The following LANCL2 variants were observed in gnomAD, a reference collection of about 807,000 sequenced individuals.
The protein encoded by LANCL2 is LanC like glutathione S-transferase 2.
Under a neutral mutation model 56.9 loss-of-function variants are expected in LANCL2, and 33 were observed. The observed-to-expected ratio is 0.58, with a 90% CI of 0.44 to 0.78. The LOEUF (loss-of-function observed/expected upper bound fraction) is 0.78, where lower values mean the gene tolerates loss of function less well. Ranked by LOEUF, LANCL2 falls within the 30% of genes least tolerant of loss-of-function variation. The pLI is 0.00. For missense variants in LANCL2, 562 were observed against 580.2 expected, an observed-to-expected ratio of 0.97 and a Z score of 0.32; for synonymous variants, 233 against 228.2, an observed-to-expected ratio of 1.02 and a Z score of -0.19.
At chr7:55,391,638 A>G (rs1380244950) in intron 1 of LANCL2, among the ~76,000 whole-genome samples, 155 bp from the exon 2 acceptor site, 1 of 152,190 alleles carries the variant, frequency 6.6e-6, no homozygotes, top group Non-Finnish European at 1.5e-5. Context: ...GTAACCTTAT[A>G]AAAACCAAGA....
At chr7:55,396,676 G>A (rs994664750) in intron 2 of LANCL2, among the ~76,000 whole-genome samples, 6 of 150,726 alleles carry the variant, frequency 4.0e-5, no homozygotes, top group Non-Finnish European at 5.9e-5. Context: ...CAACGTGTCC[G>A]CCTGCCAACA....
At position 55,433,631 on chromosome 7, in the gene LANCL2, A is replaced by C. The variant is rs1185444476; in HGVS notation, c.*2311A>C. The stretch of plus-strand genomic sequence containing the variant: ...GTGTCTAAATTTTAAAAATATGTAC[A>C]TGCATAATGTCATTTTAAAATCTGA... On this transcript the variant is annotated 3_prime_UTR_variant, in exon 9 of 9. Transcript: ENST00000254770. The C allele has an allele frequency of 6.6e-6, 1 of 152,252 alleles. No homozygotes were observed. Among genetic ancestry groups the C allele is most frequent in the African/African-American group, 2.4e-5 (1 of 41,466 alleles). 9.4% of individuals were successfully genotyped at this position (152,252 alleles called of 1,614,324 possible).
intron 1 of LANCL2, among the ~76,000 whole-genome samples, chr7:55,387,097 C>CT (rs949339536): frequency 1.3e-5 from 2 of 151,888 alleles, no homozygotes; most frequent in African/African-American, 2.4e-5. Flanking sequence ...TGCAGTGTGA[C>CT]TTTTTTTGGA....
intron 5 of LANCL2, among the ~76,000 whole-genome samples, chr7:55,402,821 C>T (rs9718658): frequency 0.4 from 49,062 of 122,978 alleles, 10,768 homozygotes; most frequent in East Asian, 0.57. Context: ...CGGGCAGAGA[C>T]GCTCCTCACA....
In LANCL2 at chr7:55,428,746, C is replaced by G. The variant is rs1790695967; in HGVS notation, c.1258+299C>G. ...AATAGTTTACTCCTCTGCATTTCAT[C>G]TGTAATGTTGCATATTTAATATTGG... is the stretch of plus-strand genomic sequence containing the variant. On this transcript the variant is annotated intron_variant, in intron 8 of 8. Transcript: ENST00000254770. Among the ~76,000 whole-genome samples, 3 of 152,090 alleles carry G rather than the reference C, an allele frequency of 2.0e-5. No homozygotes were observed. The South Asian group carries it at 6.2e-4, about 32-fold the overall frequency.
At chr7:55,411,774 G>C (rs1400696267) in intron 5 of LANCL2, 133 bp from the exon 6 acceptor site, 1 of 864,386 alleles carries the variant, frequency 1.2e-6, no homozygotes, top group Non-Finnish European at 1.8e-6. Flanking sequence ...TAAATAACCA[G>C]ATAGTTGAAT....
At chr7:55,412,949 C>T (rs369191854) in intron 6 of LANCL2, among the ~76,000 whole-genome samples, 1 of 152,094 alleles carries the variant, frequency 6.6e-6, no homozygotes, top group East Asian at 1.9e-4. Flanking sequence ...TTTTTCTTTA[C>T]AGCTACCGTA....
At chr7:55,385,968 A>G (rs186861461) in intron 1 of LANCL2, among the ~76,000 whole-genome samples, 2 of 152,324 alleles carry the variant, frequency 1.3e-5, no homozygotes, top group African/African-American at 2.4e-5. Flanking sequence ...GAATTCAGCG[A>G]TATTTCTCCC....
intron 1 of LANCL2, among the ~76,000 whole-genome samples, chr7:55,385,007 C>G (rs1373525091): frequency 6.6e-6 from 1 of 151,952 alleles, no homozygotes; most frequent in African/African-American, 2.4e-5. Context: ...GGCAACATAG[C>G]AAAACCCTGT....
At chr7:55,393,304 C>T (rs933479642) in intron 2 of LANCL2, among the ~76,000 whole-genome samples, 3 of 152,106 alleles carry the variant, frequency 2.0e-5, no homozygotes, top group East Asian at 1.9e-4. Flanking sequence ...AGGCCAAAGA[C>T]GGCAGATCAC....
At chr7:55,392,091 G>A (rs967764350) in intron 2 of LANCL2, among the ~76,000 whole-genome samples, 181 bp downstream of exon 2, 4 of 152,108 alleles carry the variant, frequency 2.6e-5, no homozygotes, top group South Asian at 2.1e-4. Context: ...TTAGGAATTC[G>A]AGACCAGCTT....
At chr7:55,416,996 T>TTTTTTTTTTTG (rs1790549625) in intron 6 of LANCL2, among the ~76,000 whole-genome samples, 1 of 142,220 alleles carries the variant, frequency 7.0e-6, no homozygotes, top group Non-Finnish European at 1.5e-5. Flanking sequence ...TTTTTTTTTT[T>TTTTTTTTTTTG]GGAGACAGAG....
intron 1 of LANCL2, among the ~76,000 whole-genome samples, chr7:55,379,249 GGCATGTGAGTGT>G (rs1239227768): frequency 6.6e-6 from 1 of 152,204 alleles, no homozygotes; most frequent in African/African-American, 2.4e-5. Context: ...GAGCTAAGAC[GGCATGTGAGTGT>G]GCATTAGGCC....
At chr7:55,400,157 C>T in intron 4 of LANCL2, 53 bp downstream of exon 4, 1 of 1,408,180 alleles carries the variant, frequency 7.1e-7, no homozygotes, top group South Asian at 1.8e-5. Flanking sequence ...AACCTATTTG[C>T]TAGCATTGAG....
At chr7:55,398,805 T>A (rs759098366) in intron 3 of LANCL2, among the ~76,000 whole-genome samples, 175 bp downstream of exon 3, 2 of 152,260 alleles carry the variant, frequency 1.3e-5, no homozygotes, top group Non-Finnish European at 2.9e-5. Context: ...TATCCAAGCA[T>A]GTGTGTGCCT....
chr7:55,400,188 T>G lies in LANCL2; in HGVS notation c.678+84T>G, dbSNP rs539227639. On this transcript the variant is annotated intron_variant, in intron 4 of 8. Coordinates refer to ENST00000254770, the MANE Select transcript of LANCL2 (RefSeq NM_018697.4). ...TTGAGTTGTATTAACAGCTGGACTT[T>G]ACTTCTAGGTAGCATTACTTTTTTA... 2.4e-4 allele frequency: 273 copies of G among 1,146,852 alleles called. 1 individual carries two copies. The African/African-American group carries it at 3.6e-3, about 15-fold the overall frequency. The allele number at this position is 1,146,852 out of a possible 1,614,324, so 71.0% of individuals were successfully genotyped here.
intron 1 of LANCL2, among the ~76,000 whole-genome samples, chr7:55,387,083 C>T (rs1328536103): frequency 3.3e-5 from 5 of 152,008 alleles, no homozygotes; most frequent in African/African-American, 9.7e-5. Context: ...AAAGAAAAAC[C>T]TTTTGCAGTG....
chr7:55,408,970 ACT>A (rs778722350), intron 5 of LANCL2, among the ~76,000 whole-genome samples: 55 of 129,660 alleles, frequency 4.2e-4, no homozygotes, highest in Non-Finnish European at 4.4e-4. Flanking sequence ...CGACAGTGAA[ACT>A]CTGTCTCAAA....
rs920386900 is a variant in LANCL2 at position 55,432,150 on chromosome 7, C to T, written c.*830C>T. On this transcript the variant is annotated 3_prime_UTR_variant, in exon 9 of 9. Coordinates refer to ENST00000254770, the MANE Select transcript of LANCL2 (RefSeq NM_018697.4). ...CCCAGGTATATGTTACTAAAACAGG[C>T]TCCACCTCAGTTTATCAACATTATA... 1 of 152,200 alleles carries T rather than the reference C, an allele frequency of 6.6e-6. No individual in the cohort carries two copies. Among genetic ancestry groups the T allele is most frequent in the African/African-American group, 2.4e-5 (1 of 41,444 alleles). 9.4% of individuals were successfully genotyped at this position (152,200 alleles called of 1,614,324 possible).
Sources: gnomAD v4.1 joint callset for allele counts (sites outside exome capture counted in the v4.1 genomes callset) on GRCh38, gnomAD v4.1.1 for gene constraint, MANE v1.5 for transcripts, NCBI Gene and HGNC (gene_info 2026-07-23, HGNC 2026-07-21) for gene names.